The following TPP2 variants were observed in gnomAD, a reference collection of about 807,000 sequenced individuals.
TPP2 encodes tripeptidyl peptidase 2.
In TPP2, 34 loss-of-function variants were observed where a neutral mutation model predicts 155.9. That is an observed-to-expected ratio of 0.22 (90% CI 0.17 to 0.29). The LOEUF is 0.29. Ranked by LOEUF, TPP2 falls within the 10% of genes least tolerant of loss-of-function variation. The pLI is 1.00. For missense variants in TPP2, 1,028 were observed against 1,522.3 expected, an observed-to-expected ratio of 0.68 and a Z score of 5.40; for synonymous variants, 510 against 529.4, an observed-to-expected ratio of 0.96 and a Z score of 0.50.
In TPP2 at chr13:102,644,547, T is replaced by A; in HGVS notation, c.2176-10T>A. 1 of 1,588,700 alleles carries A rather than the reference T, an allele frequency of 6.3e-7. No individual in the cohort carries two copies. Among genetic ancestry groups the A allele is most frequent in the South Asian group, 1.2e-5 (1 of 86,830 alleles). ...GAAAAGAGATATATTTTATTTACTT[T>A]TATTTGCAGGGTGGAAAAGCAATTG... On this transcript the variant is annotated splice_polypyrimidine_tract_variant and intron_variant, in intron 17 of 29. Transcript: ENST00000376052.
chr13:102,664,745 G>A lies in TPP2; in HGVS notation c.3241-50G>A, dbSNP rs566053620. 5.0e-5 allele frequency: 79 copies of A among 1,571,636 alleles called. No individual in the cohort carries two copies. In the East Asian group the frequency reaches 1.3e-3, roughly 26 times the overall value. On this transcript the variant is annotated intron_variant, in intron 26 of 29. Coordinates refer to ENST00000376052, the MANE Select transcript of TPP2 (RefSeq NM_001330588.2). ...AGACAGCAGAAGTGAAATTGCTTTC[G>A]TATACTGATTGATATACCTATTTTT...
chr13:102,628,785 CCTCTTCT>C (rs1040199910), intron 8 of TPP2, among the ~76,000 whole-genome samples: 5 of 151,842 alleles, frequency 3.3e-5, no homozygotes, highest in African/African-American at 1.2e-4. Flanking sequence ...TTCATTCTTC[CCTCTTCT>C]CTCACTTCTT....
chr13:102,634,920 G>A (rs1346034193), intron 11 of TPP2, among the ~76,000 whole-genome samples: 2 of 152,204 alleles, frequency 1.3e-5, no homozygotes, highest in African/African-American at 4.8e-5. Flanking sequence ...GCAGACTCCT[G>A]TACATTCTCT....
chr13:102,663,596 T>TA, intron 25 of TPP2, 52 bp from the exon 26 acceptor site: 1 of 1,277,424 alleles, frequency 7.8e-7, no homozygotes, highest in Non-Finnish European at 1.1e-6. Flanking sequence ...AGAAGACAAA[T>TA]AGTCTTTTTA....
rs532726038 is a variant in TPP2 at position 102,606,994 on chromosome 13, T to C, written c.294+2073T>C. Among the ~76,000 whole-genome samples the C allele has an allele frequency of 9.9e-5, 15 of 152,232 alleles. No homozygotes were observed. In the South Asian group the frequency reaches 2.1e-3, roughly 21 times the overall value. On this transcript the variant is annotated intron_variant, in intron 2 of 29. Coordinates refer to ENST00000376052, the MANE Select transcript of TPP2 (RefSeq NM_001330588.2). ...AGTATGTGTCCCCTCAGGATAGGAT[T>C]AGTACCCTTATAAGAAGAGACATCA... is the stretch of plus-strand genomic sequence containing the variant.
At chr13:102,670,111 C>T (rs663324) in intron 27 of TPP2, among the ~76,000 whole-genome samples, 100,769 of 151,780 alleles carry the variant, frequency 0.66, 33,659 homozygotes, top group Middle Eastern at 0.7. Flanking sequence ...ACCAAATAAC[C>T]ACTTTTCCAT....
At chr13:102,651,248 A>C in intron 23 of TPP2, 111 bp from the exon 24 acceptor site, 1 of 1,172,532 alleles carries the variant, frequency 8.5e-7, no homozygotes, top group Non-Finnish European at 1.2e-6. Flanking sequence ...GAGCCTTCTA[A>C]GTGGTGTAAC....
At chr13:102,657,752 G>A (rs1270487174) in intron 25 of TPP2, among the ~76,000 whole-genome samples, 1 of 152,022 alleles carries the variant, frequency 6.6e-6, no homozygotes, top group Non-Finnish European at 1.5e-5. Context: ...TATACATAAA[G>A]GTGATTTTTT....
intron 2 of TPP2, among the ~76,000 whole-genome samples, chr13:102,607,384 T>G (rs1879920302): frequency 6.6e-6 from 1 of 152,088 alleles, no homozygotes; most frequent in Admixed American, 6.5e-5. Context: ...AATGGAGCAT[T>G]TCAGATTTTC....
intron 1 of TPP2, 44 bp downstream of exon 1, chr13:102,597,247 C>T (rs752590621): frequency 5.2e-6 from 6 of 1,150,640 alleles, no homozygotes; most frequent in South Asian, 2.0e-5. Flanking sequence ...CGCGGGCGGC[C>T]GGGGACGCGG....
chr13:102,616,338 C>T, intron 3 of TPP2, 58 bp from the exon 4 acceptor site: 1 of 1,367,254 alleles, frequency 7.3e-7, no homozygotes, highest in African/African-American at 1.5e-5. Context: ...AAATGCCTGT[C>T]TAGGTTTACC....
intron 1 of TPP2, among the ~76,000 whole-genome samples, chr13:102,603,927 A>G (rs999713362): frequency 1.3e-5 from 2 of 152,140 alleles, no homozygotes; most frequent in African/African-American, 4.8e-5. Context: ...GAAAGTTAGG[A>G]TAGTGGTAGT....
chr13:102,638,587 T>G (rs1882545519), intron 15 of TPP2, among the ~76,000 whole-genome samples: 1 of 152,192 alleles, frequency 6.6e-6, no homozygotes, highest in Non-Finnish European at 1.5e-5. Flanking sequence ...ATTGCCCAGT[T>G]CAGAGGATAA....
intron 28 of TPP2, among the ~76,000 whole-genome samples, chr13:102,674,885 T>G (rs184982481): frequency 6.6e-6 from 1 of 152,350 alleles, no homozygotes; most frequent in Non-Finnish European, 1.5e-5. Flanking sequence ...GGTTAGTTGT[T>G]ACTTATTTTC....
chr13:102,602,297 G>A (rs1879489651), intron 1 of TPP2, among the ~76,000 whole-genome samples: 1 of 151,892 alleles, frequency 6.6e-6, no homozygotes, highest in East Asian at 1.9e-4. Flanking sequence ...ATATTTTTGA[G>A]ACATATAGCC....
Position 102,630,215 on chromosome 13 carries a change from G to A in TPP2, c.1244+20G>A, listed in dbSNP as rs761168975. On this transcript the variant is annotated intron_variant, in intron 10 of 29. Transcript: ENST00000376052. The stretch of plus-strand genomic sequence containing the variant: ...ACCTAGGTAGGTGCAGGTAGAACGC[G>A]GAACCATTACGTATATTCGGTTAAA... 1.8e-5 allele frequency: 29 copies of A among 1,575,716 alleles called. No individual in the cohort carries two copies. Among genetic ancestry groups the A allele is most frequent in the South Asian group, 4.4e-5 (4 of 90,040 alleles).
intron 25 of TPP2, among the ~76,000 whole-genome samples, chr13:102,657,808 G>A (rs613097): frequency 0.49 from 74,951 of 151,476 alleles, 18,872 homozygotes; most frequent in African/African-American, 0.6. Context: ...TCGTCTCGCT[G>A]TGTTTTGCCA....
At chr13:102,649,227 A>G in intron 22 of TPP2, 76 bp downstream of exon 22, 1 of 1,517,004 alleles carries the variant, frequency 6.6e-7, no homozygotes, top group African/African-American at 1.4e-5. Flanking sequence ...TATGACATCT[A>G]GGCTAAATTT....
chr13:102,672,923 C>T lies in TPP2; in HGVS notation c.3372-1360C>T, dbSNP rs568823963. On this transcript the variant is annotated intron_variant, in intron 27 of 29. Transcript: ENST00000376052. ...AGCTTTGAGGCACTGTGCTGAGAAGCACTGAGGGATCTTTTAGGCATAGTT... is the reference window on the plus strand; with the variant it reads ...AGCTTTGAGGCACTGTGCTGAGAAGTACTGAGGGATCTTTTAGGCATAGTT... 1.1e-4 allele frequency among the ~76,000 whole-genome samples: 16 copies of T among 152,294 alleles called. No homozygotes were observed. In the South Asian group the frequency reaches 3.1e-3, roughly 30 times the overall value.
Sources: allele counts gnomAD v4.1 joint callset (sites outside exome capture counted in the v4.1 genomes callset), GRCh38; gene constraint gnomAD v4.1.1; transcripts MANE v1.5; gene names NCBI Gene and HGNC (gene_info 2026-07-23, HGNC 2026-07-21).